The following OSBPL6 variants were observed in gnomAD, a reference collection of about 807,000 sequenced individuals.
OSBPL6 encodes the protein oxysterol-binding protein-related protein 6.
OSBPL6 carries 49 observed loss-of-function variants against 125.8 expected under a neutral mutation model. That is an observed-to-expected ratio of 0.39 (90% CI 0.31 to 0.49). The LOEUF (loss-of-function observed/expected upper bound fraction) is 0.49. OSBPL6 is among the 20% of genes least tolerant of loss of function. The pLI is 0.88. For synonymous variants in OSBPL6, 394 were observed against 391.8 expected (o/e 1.01, Z -0.07); for missense variants, 986 against 1,135.4 (o/e 0.87, Z 1.89).
At chr2:178,314,075 T>C (rs1007668798) in intron 3 of OSBPL6, among the ~76,000 whole-genome samples, 11 of 152,220 alleles carry the variant, frequency 7.2e-5, no homozygotes, top group African/African-American at 2.7e-4. Flanking sequence ...TTGGAATGTG[T>C]CTCCTCCGAC....
chr2:178,301,845 A>T (rs993869947), intron 2 of OSBPL6, among the ~76,000 whole-genome samples: 3 of 152,168 alleles, frequency 2.0e-5, no homozygotes, highest in African/African-American at 7.2e-5. Context: ...AGAGCACTCA[A>T]GGTAGGTCTG....
Position 178,387,110 on chromosome 2 carries a change from T to C in OSBPL6, c.2127T>C (p.Pro709=), listed in dbSNP as rs1695009473. Reference sequence around the variant, plus strand: ...GGGGGAAGTCGATGGAAATCCTGCCTGTTGGAACACTGAATGTCATGCTTC... The same window carrying C: ...GGGGGAAGTCGATGGAAATCCTGCCCGTTGGAACACTGAATGTCATGCTTC... ...KFWGKSMEIL[P]VGTLNVMLPK... Residue 709 remains proline (P), a synonymous_variant, in exon 20 of 25, where the codon CCT becomes CCC. Coordinates refer to ENST00000190611, the MANE Select transcript of OSBPL6 (RefSeq NM_032523.4). 2 of 1,612,702 alleles carry C rather than the reference T, an allele frequency of 1.2e-6. No individual in the cohort carries two copies. Among genetic ancestry groups the C allele is most frequent in the Non-Finnish European group, 1.7e-6 (2 of 1,178,870 alleles).
chr2:178,231,800 C>T (rs1219805635), intron 1 of OSBPL6, among the ~76,000 whole-genome samples: 1 of 152,028 alleles, frequency 6.6e-6, no homozygotes, highest in African/African-American at 2.4e-5. Context: ...AAGTGCACTG[C>T]TGTGTCCCTC....
chr2:178,318,046 A>G (rs1325654848), intron 3 of OSBPL6, among the ~76,000 whole-genome samples: 2 of 152,214 alleles, frequency 1.3e-5, no homozygotes, highest in Non-Finnish European at 2.9e-5. Flanking sequence ...TGTTATGAGT[A>G]CAGAATAAGG....
intron 1 of OSBPL6, among the ~76,000 whole-genome samples, chr2:178,260,835 C>T (rs918284993): frequency 3.9e-5 from 6 of 152,206 alleles, no homozygotes; most frequent in South Asian, 2.1e-4. Flanking sequence ...ATGGATGTTA[C>T]GAAATTTCAA....
chr2:178,238,915 G>A (rs182445079), intron 1 of OSBPL6, among the ~76,000 whole-genome samples: 2 of 152,176 alleles, frequency 1.3e-5, no homozygotes, highest in East Asian at 1.9e-4. Flanking sequence ...CCCCTCTCCC[G>A]CCTGTTAACA....
intron 8 of OSBPL6, among the ~76,000 whole-genome samples, chr2:178,334,521 CTTAT>C (rs1175494648): frequency 6.6e-6 from 1 of 151,720 alleles, no homozygotes; most frequent in African/African-American, 2.4e-5. Context: ...TATTTATTTA[CTTAT>C]TTATTTATTT....
intron 1 of OSBPL6, among the ~76,000 whole-genome samples, chr2:178,246,741 T>G (rs745769988): frequency 6.6e-5 from 10 of 152,224 alleles, no homozygotes; most frequent in Non-Finnish European, 1.3e-4. Flanking sequence ...TACTGTGGCC[T>G]CATAATTAGC....
Position 178,328,506 on chromosome 2 carries a change from G to T in OSBPL6, c.318+128G>T. On this transcript the variant is annotated intron_variant, in intron 5 of 24. Coordinates refer to ENST00000190611, the MANE Select transcript of OSBPL6 (RefSeq NM_032523.4). ...AACTAGCTTTTTAAAACTTTTTTTT[G>T]AGACAGATTCTCACTCTGTTACCCA... 4.4e-6 allele frequency: 5 copies of T among 1,130,036 alleles called. No individual in the cohort carries two copies. The East Asian group carries it at 8.1e-5, about 18-fold the overall frequency. 70.0% of individuals were successfully genotyped at this position (1,130,036 alleles called of 1,614,324 possible).
intron 1 of OSBPL6, among the ~76,000 whole-genome samples, chr2:178,203,214 G>C (rs189336400): frequency 2.6e-5 from 4 of 152,082 alleles, no homozygotes; most frequent in African/African-American, 7.2e-5. Flanking sequence ...AATTGAGGTA[G>C]AGTCTCACCT....
intron 2 of OSBPL6, among the ~76,000 whole-genome samples, chr2:178,292,151 T>C (rs1434080): frequency 0.37 from 55,538 of 151,636 alleles, 11,408 homozygotes; most frequent in East Asian, 0.65. Context: ...CAATGATTGG[T>C]ACAGGACCTT....
intron 15 of OSBPL6, among the ~76,000 whole-genome samples, chr2:178,379,315 A>AAAC (rs1230434563): frequency 1.7e-4 from 20 of 115,794 alleles, no homozygotes; most frequent in Non-Finnish European, 2.6e-4. Flanking sequence ...AAGAAACAGG[A>AAAC]AGGAAGGAAG....
chr2:178,380,369 T>G (rs1471586349), intron 15 of OSBPL6, among the ~76,000 whole-genome samples: 2 of 145,696 alleles, frequency 1.4e-5, no homozygotes, highest in Non-Finnish European at 3.0e-5. Flanking sequence ...GAAGATCCCT[T>G]GAGCCCAGGA....
rs746653123 is a variant in OSBPL6 at position 178,395,772 on chromosome 2, T to TAAA, written c.*239_*241dup. The TAAA allele has an allele frequency of 0.01, 2,518 of 242,196 alleles. 37 individuals carry two copies. The highest frequency in any genetic ancestry group is 0.014 in the Non-Finnish European group (1,827 of 129,312). The allele number at this position is 242,196 out of a possible 1,614,324, so 15.0% of individuals were successfully genotyped here. A position where few individuals can be genotyped will look rare whatever the true frequency, so the allele number is the denominator to read the frequency against. On this transcript the variant is annotated 3_prime_UTR_variant, in exon 25 of 25. Coordinates refer to ENST00000190611, the MANE Select transcript of OSBPL6 (RefSeq NM_032523.4). Reference sequence around the variant, plus strand: ...TCTGTTTTGCTGCAACCATATTCCTTAAAAAAAAAAAAAAAAAAAAAAAAA... The same window carrying TAAA: ...TCTGTTTTGCTGCAACCATATTCCTTAAAAAAAAAAAAAAAAAAAAAAAAAAAA...
At chr2:178,199,029 C>T (rs899336201) in intron 1 of OSBPL6, among the ~76,000 whole-genome samples, 3 of 152,124 alleles carry the variant, frequency 2.0e-5, no homozygotes, top group Non-Finnish European at 1.5e-5. Context: ...ACAGTTTGTG[C>T]ATTTGTTATA....
intron 2 of OSBPL6, among the ~76,000 whole-genome samples, chr2:178,287,197 T>G (rs1333548003): frequency 6.6e-6 from 1 of 151,972 alleles, no homozygotes; most frequent in African/African-American, 2.4e-5. Context: ...AAAATAAGAT[T>G]TACAGATATT....
chr2:178,290,950 G>C (rs1685200933), intron 2 of OSBPL6, among the ~76,000 whole-genome samples: 1 of 151,516 alleles, frequency 6.6e-6, no homozygotes, highest in Non-Finnish European at 1.5e-5. Context: ...CTTTTACATT[G>C]AAACCATTGG....
chr2:178,364,879 T>C (rs1343154874), intron 13 of OSBPL6, among the ~76,000 whole-genome samples: 1 of 152,092 alleles, frequency 6.6e-6, no homozygotes, highest in African/African-American at 2.4e-5. Context: ...GTAGAGAACA[T>C]TAACATTTAA....
intron 2 of OSBPL6, among the ~76,000 whole-genome samples, chr2:178,293,094 G>A (rs1298473611): frequency 1.3e-5 from 2 of 151,898 alleles, no homozygotes; most frequent in African/African-American, 4.8e-5. Flanking sequence ...GAAAACTGGA[G>A]GAAGTCTCGG....
Sources: gnomAD v4.1 joint callset for allele counts (sites outside exome capture counted in the v4.1 genomes callset) on GRCh38, gnomAD v4.1.1 for gene constraint, MANE v1.5 for transcripts, NCBI Gene and HGNC (gene_info 2026-07-23, HGNC 2026-07-21) for gene names.